Variants in TDRD3 observed in about 807,000 individuals in gnomAD.
The protein encoded by TDRD3 is tudor domain containing 3, also known as tudor domain-containing protein 3.
Under a neutral mutation model 86.7 loss-of-function variants are expected in TDRD3, and 45 were observed. That is an observed-to-expected ratio of 0.52 (90% CI 0.41 to 0.67). TDRD3 has a LOEUF of 0.67. Among genes scored for constraint, TDRD3 ranks in the 30% least tolerant of loss-of-function variants. TDRD3 has a pLI of 0.00. For synonymous variants in TDRD3, 298 were observed against 301.7 expected (o/e 0.99, Z 0.13); for missense variants, 814 against 889.0 (o/e 0.92, Z 1.07).
intron 7 of TDRD3, among the ~76,000 whole-genome samples, chr13:60,493,440 T>A (rs1956643875): frequency 6.6e-6 from 1 of 151,976 alleles, no homozygotes; most frequent in South Asian, 2.1e-4. Context: ...GGTGGATAGA[T>A]CATCTCAGGT....
intron 10 of TDRD3, among the ~76,000 whole-genome samples, chr13:60,524,117 T>C (rs1957351975): frequency 1.3e-5 from 2 of 152,134 alleles, no homozygotes; most frequent in African/African-American, 4.8e-5. Context: ...AGAATCATGA[T>C]GCCTTCTCAA....
intron 5 of TDRD3, among the ~76,000 whole-genome samples, chr13:60,483,187 T>A (rs1357154837): frequency 6.6e-6 from 1 of 152,094 alleles, no homozygotes; most frequent in Non-Finnish European, 1.5e-5. Context: ...GGAAGCTTAT[T>A]TTTAGTTAAT....
In TDRD3 at chr13:60,528,805, A is replaced by T; in HGVS notation, c.1580A>T (p.Asp527Val). ...AATCCACTTCCTCAAGGATCTGTAG[A>T]TTATAATAATCAAAAACGTGGAAAA... is the stretch of plus-strand genomic sequence containing the variant. ...KENPLPQGSV[D>V]YNNQKRGKRE... Residue 527 changes from aspartate (D) to valine (V), a missense_variant, in exon 11 of 14, where the codon GAT (aspartate) becomes GTT (valine). By Grantham distance (152) the Asp-to-Val change is radical (BLOSUM62 -3). Transcript: ENST00000377881. 1 of 1,613,872 alleles carries T rather than the reference A, an allele frequency of 6.2e-7. No individual in the cohort carries two copies. The highest frequency in any genetic ancestry group is 1.7e-4 in the Middle Eastern group (1 of 6,060).
chr13:60,557,956 G>A (rs1015960075), intron 12 of TDRD3, among the ~76,000 whole-genome samples: 62 of 151,216 alleles, frequency 4.1e-4, no homozygotes, highest in African/African-American at 1.4e-3. Context: ...CTGAGTAGCT[G>A]GGACTATAGG....
intron 1 of TDRD3, among the ~76,000 whole-genome samples, chr13:60,431,056 G>A (rs1954942676): frequency 6.6e-6 from 1 of 151,978 alleles, no homozygotes; most frequent in Non-Finnish European, 1.5e-5. Context: ...AGAGAAAATT[G>A]TCTTAATATA....
chr13:60,448,791 T>C (rs1955465941), intron 3 of TDRD3, among the ~76,000 whole-genome samples: 1 of 152,188 alleles, frequency 6.6e-6, no homozygotes, highest in Non-Finnish European at 1.5e-5. Flanking sequence ...AAAGGAAGTA[T>C]AACTGTTTAA....
At position 60,513,843 on chromosome 13, in the gene TDRD3, T is replaced by C. The variant is rs79793327; in HGVS notation, c.1141+3088T>C. Among the ~76,000 whole-genome samples the C allele has an allele frequency of 4.4e-4, 67 of 152,264 alleles. 1 individual carries two copies. In the East Asian group the frequency reaches 0.012, roughly 26 times the overall value. The stretch of plus-strand genomic sequence containing the variant: ...TATAAGTCCCATAAACTCTTTTTCC[T>C]GTATAAATTACCCAGTCTCAGGTAT... On this transcript the variant is annotated intron_variant, in intron 10 of 13. Transcript: ENST00000377881.
At chr13:60,412,110 C>T (rs1215156819) in intron 1 of TDRD3, among the ~76,000 whole-genome samples, 2 of 152,170 alleles carry the variant, frequency 1.3e-5, no homozygotes, top group Non-Finnish European at 2.9e-5. Context: ...CTAGTTAAAT[C>T]TTATAAACTG....
At chr13:60,566,830 A>T (rs987734630) in intron 12 of TDRD3, among the ~76,000 whole-genome samples, 6 of 152,140 alleles carry the variant, frequency 3.9e-5, no homozygotes, top group African/African-American at 1.4e-4. Context: ...GCTTATCCTA[A>T]TTTCCCTATG....
At chr13:60,565,021 G>A (rs1256301512) in intron 12 of TDRD3, among the ~76,000 whole-genome samples, 1 of 137,276 alleles carries the variant, frequency 7.3e-6, no homozygotes, top group Non-Finnish European at 1.5e-5. Flanking sequence ...TACTGGAACT[G>A]AAAACCAAAC....
At chr13:60,405,167 C>T (rs1166492540) in intron 1 of TDRD3, among the ~76,000 whole-genome samples, 1 of 152,140 alleles carries the variant, frequency 6.6e-6, no homozygotes, top group Non-Finnish European at 1.5e-5. Context: ...CAGGGTTTCA[C>T]CATGTTGGCC....
chr13:60,398,058 C>T (rs901908203), intron 1 of TDRD3, among the ~76,000 whole-genome samples: 12 of 152,186 alleles, frequency 7.9e-5, no homozygotes, highest in Non-Finnish European at 1.5e-4. Context: ...GGATGGTGTT[C>T]TGATTTTAAG....
At position 60,397,400 on chromosome 13, in the gene TDRD3, GGGTT is replaced by G; in HGVS notation, c.40_41+2del. The G allele has an allele frequency of 6.7e-7, 1 of 1,499,772 alleles. No homozygotes were observed. The highest frequency in any genetic ancestry group is 8.9e-7 in the Non-Finnish European group (1 of 1,126,190). The allele number at this position is 1,499,772 out of a possible 1,614,324, so 92.9% of individuals were successfully genotyped here. On this transcript the variant is annotated frameshift_variant and splice_region_variant, in exon 1 of 14. Coordinates refer to ENST00000377881, the MANE Select transcript of TDRD3 (RefSeq NM_001146070.2). LOFTEE classifies it high-confidence loss of function. ...TGGCCGGCGCGGCGTTGTCCCAGGC[GGGTT>G]GGTAAGTGGCGAGTCCCGCCGGCTG...
At chr13:60,405,291 C>T (rs1246201837) in intron 1 of TDRD3, among the ~76,000 whole-genome samples, 1 of 152,048 alleles carries the variant, frequency 6.6e-6, no homozygotes, top group African/African-American at 2.4e-5. Flanking sequence ...TCTTAAACAG[C>T]ATATTGTGGC....
intron 3 of TDRD3, among the ~76,000 whole-genome samples, chr13:60,450,433 A>G (rs1955508903): frequency 6.6e-6 from 1 of 152,170 alleles, no homozygotes; most frequent in Non-Finnish European, 1.5e-5. Flanking sequence ...TGGAATTCTA[A>G]TTTGCCTCTT....
intron 8 of TDRD3, among the ~76,000 whole-genome samples, chr13:60,497,354 C>T (rs1326099009): frequency 6.6e-6 from 1 of 152,176 alleles, no homozygotes. Flanking sequence ...CATTGTCCCT[C>T]CCCCTGTGCT....
intron 12 of TDRD3, among the ~76,000 whole-genome samples, chr13:60,543,801 A>G (rs1957870638): frequency 6.6e-6 from 1 of 152,096 alleles, no homozygotes; most frequent in African/African-American, 2.4e-5. Flanking sequence ...TTGTGTCATT[A>G]GTAATACTAT....
At chr13:60,481,019 G>T (rs1028866650) in intron 5 of TDRD3, among the ~76,000 whole-genome samples, 11 of 152,118 alleles carry the variant, frequency 7.2e-5, no homozygotes, top group African/African-American at 2.2e-4. Flanking sequence ...GATTCAGCAG[G>T]TGGGAAGTTT....
chr13:60,495,467 A>AT lies in TDRD3; in HGVS notation c.858+905dup, dbSNP rs542683486. 7.4e-3 allele frequency among the ~76,000 whole-genome samples: 1,070 copies of AT among 145,388 alleles called. 5 individuals are homozygous for AT. Among genetic ancestry groups the AT allele is most frequent in the Middle Eastern group, 0.025 (7 of 278 alleles). ...CAGTGATCATTCAGGAATCAGAGGTATTTTTTTTTTTTTGAGATGGCATTT... is the reference window on the plus strand; with the variant it reads ...CAGTGATCATTCAGGAATCAGAGGTATTTTTTTTTTTTTTGAGATGGCATTT... On this transcript the variant is annotated intron_variant, in intron 8 of 13. Coordinates refer to ENST00000377881, the MANE Select transcript of TDRD3 (RefSeq NM_001146070.2).
Sources: allele counts gnomAD v4.1 joint callset (sites outside exome capture counted in the v4.1 genomes callset), GRCh38; gene constraint gnomAD v4.1.1; transcripts MANE v1.5; gene names NCBI Gene and HGNC (gene_info 2026-07-23, HGNC 2026-07-21).